The following ABCC4 variants were observed in gnomAD, a reference collection of about 807,000 sequenced individuals.
ABCC4 encodes the protein ATP-binding cassette sub-family C member 4.
ABCC4 carries 102 observed loss-of-function variants against 168.5 expected under a neutral mutation model. The ratio of observed to expected loss-of-function variants is 0.61; its 90% confidence interval spans 0.52 to 0.71. The LOEUF is 0.71. ABCC4 is among the 30% of genes least tolerant of loss of function. The pLI is 0.00. For missense variants in ABCC4, 1,402 were observed against 1,605.8 expected (o/e 0.87, Z 2.17); for synonymous variants, 617 against 590.7 (o/e 1.04, Z -0.65).
At chr13:95,256,661 G>A (rs1045228803) in intron 1 of ABCC4, among the ~76,000 whole-genome samples, 1 of 152,116 alleles carries the variant, frequency 6.6e-6, no homozygotes, top group South Asian at 2.1e-4. Context: ...AGGAGACTGA[G>A]GTGGGAGAAT....
At chr13:95,176,491 T>C (rs186777396) in intron 13 of ABCC4, among the ~76,000 whole-genome samples, 86 of 152,134 alleles carry the variant, frequency 5.7e-4, no homozygotes, top group Admixed American at 9.2e-4. Flanking sequence ...CGAGATCCTA[T>C]CTAAAAAAAA....
At chr13:95,082,146 C>T (rs1273723997) in intron 21 of ABCC4, among the ~76,000 whole-genome samples, 1 of 152,150 alleles carries the variant, frequency 6.6e-6, no homozygotes, top group African/African-American at 2.4e-5. Flanking sequence ...CTCTTCTAGG[C>T]GTGGCTTCCA....
In ABCC4 at chr13:95,033,567, G is replaced by A. The variant is rs578231021; in HGVS notation, c.3870+1038C>T. ...GTTGGAAAGAGATCACGTAGCCTGC[G>A]TGTCTTTAATGCCTTATAAACATAC... On this transcript the variant is annotated intron_variant, in intron 30 of 30. Coordinates refer to ENST00000645237, the MANE Select transcript of ABCC4 (RefSeq NM_005845.5). 1.4e-4 allele frequency among the ~76,000 whole-genome samples: 22 copies of A among 152,194 alleles called. 2 individuals carry two copies. The South Asian group carries it at 3.5e-3, about 24-fold the overall frequency.
At chr13:95,242,039 T>C (rs1283457748) in intron 3 of ABCC4, among the ~76,000 whole-genome samples, 1 of 152,034 alleles carries the variant, frequency 6.6e-6, no homozygotes, top group Non-Finnish European at 1.5e-5. Context: ...CAAAAAAAAT[T>C]GGCAACCTCC....
At chr13:95,025,245 ACC>A (rs1384681716) in intron 30 of ABCC4, among the ~76,000 whole-genome samples, 3,127 of 41,890 alleles carry the variant, frequency 0.075, 108 homozygotes, top group Non-Finnish European at 0.099. Flanking sequence ...ATACACACAC[ACC>A]CACACACACA....
intron 20 of ABCC4, among the ~76,000 whole-genome samples, chr13:95,085,868 T>C (rs772082962): frequency 2.0e-5 from 3 of 152,164 alleles, no homozygotes; most frequent in Non-Finnish European, 4.4e-5. Flanking sequence ...ATAGGAGGGA[T>C]TATCATCTCC....
At chr13:95,137,959 A>G (rs2036193196) in intron 19 of ABCC4, among the ~76,000 whole-genome samples, 1 of 152,206 alleles carries the variant, frequency 6.6e-6, no homozygotes, top group Non-Finnish European at 1.5e-5. Context: ...ATTAAGCAGC[A>G]AAGTTTTATT....
intron 20 of ABCC4, among the ~76,000 whole-genome samples, chr13:95,086,804 G>A (rs2034271791): frequency 6.6e-6 from 1 of 152,166 alleles, no homozygotes; most frequent in South Asian, 2.1e-4. Flanking sequence ...TTAGGTACAA[G>A]ATGAAATATG....
Position 95,044,306 on chromosome 13 carries a change from T to A in ABCC4, c.3589A>T (p.Ile1197Leu), listed in dbSNP as rs773151365. The A allele has an allele frequency of 6.2e-7, 1 of 1,613,608 alleles. No individual in the cohort carries two copies. Among genetic ancestry groups the A allele is most frequent in the South Asian group, 1.1e-5 (1 of 90,916 alleles). The change falls in exon 28 of 31, where the codon ATA (isoleucine) becomes TTA (leucine). Residue 1197 changes from isoleucine (I) to leucine (L), a missense_variant. Ile to Leu is a conservative substitution (Grantham distance 5). Coordinates refer to ENST00000645237, the MANE Select transcript of ABCC4 (RefSeq NM_005845.5). ...LARAILRKNQ[I>L]LIIDEATANV... ...GCCGTCGCTTCATCAATAATCAATA[T>A]CTGATTTTTCCTGAGAATTGCCCTG...
chr13:95,237,246 C>A (rs1004936473), intron 3 of ABCC4, among the ~76,000 whole-genome samples: 4 of 152,220 alleles, frequency 2.6e-5, no homozygotes, highest in Non-Finnish European at 4.4e-5. Flanking sequence ...AGCAAATGGG[C>A]TCATTGGTGA....
intron 9 of ABCC4, among the ~76,000 whole-genome samples, chr13:95,194,557 A>G (rs530029964): frequency 1.4e-4 from 22 of 152,214 alleles, no homozygotes; most frequent in Non-Finnish European, 2.1e-4. Flanking sequence ...AGCGTTGCCA[A>G]TGTCCAAACT....
At chr13:95,157,880 G>A (rs1220717702) in intron 19 of ABCC4, among the ~76,000 whole-genome samples, 1 of 151,928 alleles carries the variant, frequency 6.6e-6, no homozygotes, top group Non-Finnish European at 1.5e-5. Flanking sequence ...GACCATCCTG[G>A]CCAACACGGT....
chr13:95,248,762 A>G (rs1420899088), intron 1 of ABCC4, among the ~76,000 whole-genome samples: 1 of 152,174 alleles, frequency 6.6e-6, no homozygotes, highest in Non-Finnish European at 1.5e-5. Flanking sequence ...ACTTATAAAG[A>G]AAAAGGCTGG....
chr13:95,295,031 C>T (rs536671502), intron 1 of ABCC4, among the ~76,000 whole-genome samples: 12 of 152,094 alleles, frequency 7.9e-5, no homozygotes, highest in African/African-American at 1.4e-4. Context: ...TAATCTAAAC[C>T]GCAGAGGATC....
chr13:95,097,702 A>G (rs1220192649), intron 20 of ABCC4, among the ~76,000 whole-genome samples: 2 of 149,470 alleles, frequency 1.3e-5, no homozygotes, highest in African/African-American at 5.0e-5. Context: ...TAGAAATATT[A>G]CAGAATATGT....
intron 19 of ABCC4, among the ~76,000 whole-genome samples, chr13:95,143,680 C>T (rs1276636281): frequency 6.6e-6 from 1 of 152,178 alleles, no homozygotes; most frequent in Admixed American, 6.5e-5. Flanking sequence ...CACAGTATCT[C>T]CTATGACACC....
At chr13:95,163,518 G>A (rs2139550911) in intron 17 of ABCC4, 92 bp downstream of exon 17, 2 of 1,186,688 alleles carry the variant, frequency 1.7e-6, no homozygotes, top group Non-Finnish European at 2.4e-6. Flanking sequence ...TAGAAGAGAA[G>A]GATCAACAAA....
At chr13:95,199,573 C>T (rs145098015) in intron 8 of ABCC4, among the ~76,000 whole-genome samples, 9 of 152,248 alleles carry the variant, frequency 5.9e-5, no homozygotes, top group African/African-American at 1.9e-4. Flanking sequence ...GCCCTGATCC[C>T]TCCTTCTGAC....
At chr13:95,250,152 G>A (rs550613108) in intron 1 of ABCC4, among the ~76,000 whole-genome samples, 6 of 152,316 alleles carry the variant, frequency 3.9e-5, no homozygotes, top group Admixed American at 3.9e-4. Flanking sequence ...CTTTATACAT[G>A]GAAATCTAAG....
Sources: gnomAD v4.1 joint callset for allele counts (sites outside exome capture counted in the v4.1 genomes callset) on GRCh38, gnomAD v4.1.1 for gene constraint, MANE v1.5 for transcripts, NCBI Gene and HGNC (gene_info 2026-07-23, HGNC 2026-07-21) for gene names.